Variants in TTC29 observed in about 807,000 individuals in gnomAD.
TTC29 encodes tetratricopeptide repeat protein 29.
Under a neutral mutation model 58.1 loss-of-function variants are expected in TTC29, and 49 were observed. That is an observed-to-expected ratio of 0.84 (90% confidence interval 0.67 to 1.07). TTC29 has a LOEUF of 1.07. Ranked by LOEUF, TTC29 falls within the 50% of genes least tolerant of loss-of-function variation. TTC29 has a pLI of 0.00. For missense variants in TTC29, 582 were observed against 555.6 expected, an observed-to-expected ratio of 1.05 and a Z score of -0.48; for synonymous variants, 209 against 196.8, an observed-to-expected ratio of 1.06 and a Z score of -0.52.
intron 8 of TTC29, among the ~76,000 whole-genome samples, chr4:146,860,387 C>T (rs1730148706): frequency 6.6e-6 from 1 of 152,112 alleles, no homozygotes; most frequent in East Asian, 1.9e-4. Flanking sequence ...TACATATCTT[C>T]CATTGTTAAT....
chr4:146,738,748 G>A (rs1309218221), intron 11 of TTC29, among the ~76,000 whole-genome samples: 3 of 152,030 alleles, frequency 2.0e-5, no homozygotes, highest in South Asian at 2.1e-4. Flanking sequence ...TTGTGATTGC[G>A]CATCTTAAGA....
At position 146,934,668 on chromosome 4, in the gene TTC29, T is replaced by C. The variant is rs531109273; in HGVS notation, c.176+2926A>G. 1.0e-4 allele frequency among the ~76,000 whole-genome samples: 15 copies of C among 148,702 alleles called. No individual in the cohort carries two copies. In the South Asian group the frequency reaches 2.3e-3, roughly 23 times the overall value. Reference sequence around the variant, plus strand: ...CTTTGGGCACCTCACCACTGAGAGTTTGGAAAGAGAAAGCAGCCTGCAAAG... The same window carrying C: ...CTTTGGGCACCTCACCACTGAGAGTCTGGAAAGAGAAAGCAGCCTGCAAAG... On this transcript the variant is annotated intron_variant, in intron 4 of 12. Coordinates refer to ENST00000325106, the MANE Select transcript of TTC29 (RefSeq NM_031956.4).
intron 9 of TTC29, among the ~76,000 whole-genome samples, chr4:146,824,797 C>A (rs1281808515): frequency 6.6e-6 from 1 of 152,154 alleles, no homozygotes; most frequent in Non-Finnish European, 1.5e-5. Context: ...TTGGTCTATT[C>A]AGGGATCCAA....
chr4:146,721,552 G>A (rs1379720881), intron 11 of TTC29, among the ~76,000 whole-genome samples: 2 of 152,102 alleles, frequency 1.3e-5, no homozygotes, highest in Admixed American at 6.6e-5. Flanking sequence ...ACAGTCTGCA[G>A]CTTATGATTT....
At chr4:146,941,064 C>A (rs552477639) in intron 2 of TTC29, among the ~76,000 whole-genome samples, 2 of 152,278 alleles carry the variant, frequency 1.3e-5, no homozygotes, top group Admixed American at 1.3e-4. Context: ...TTATCTAAAT[C>A]CTATTCCAAA....
At chr4:146,764,219 G>A (rs1238490283) in intron 11 of TTC29, 1 of 152,064 alleles carries the variant, frequency 6.6e-6, no homozygotes, top group Non-Finnish European at 1.5e-5. Flanking sequence ...GTATAGGGGA[G>A]AAAATAGATT....
chr4:146,770,309 C>A (rs1747635097), intron 11 of TTC29, among the ~76,000 whole-genome samples: 1 of 151,804 alleles, frequency 6.6e-6, no homozygotes, highest in Non-Finnish European at 1.5e-5. Context: ...TGAGCTTCTG[C>A]ATTTCTCAAA....
At chr4:146,773,030 G>A (rs1747845082) in intron 11 of TTC29, among the ~76,000 whole-genome samples, 1 of 151,976 alleles carries the variant, frequency 6.6e-6, no homozygotes, top group African/African-American at 2.4e-5. Context: ...TGGACTTTGT[G>A]GGAGTATAGA....
chr4:146,864,711 G>A (rs756554296), intron 8 of TTC29, among the ~76,000 whole-genome samples: 2 of 151,974 alleles, frequency 1.3e-5, no homozygotes, highest in Non-Finnish European at 2.9e-5. Flanking sequence ...CTGTATCACT[G>A]CACTCTCTGC....
chr4:146,906,616 A>G (rs1733536666), intron 5 of TTC29, among the ~76,000 whole-genome samples: 1 of 152,234 alleles, frequency 6.6e-6, no homozygotes, highest in Non-Finnish European at 1.5e-5. Flanking sequence ...AATTCAAACC[A>G]CAATTTTCCT....
Position 146,920,462 on chromosome 4 carries a change from A to G in TTC29, c.177-11213T>C, listed in dbSNP as rs184409150. Among the ~76,000 whole-genome samples the G allele has an allele frequency of 4.6e-3, 690 of 151,154 alleles. 4 individuals carry two copies. Among genetic ancestry groups the G allele is most frequent in the African/African-American group, 0.016 (647 of 41,404 alleles). On this transcript the variant is annotated intron_variant, in intron 4 of 12. Coordinates refer to ENST00000325106, the MANE Select transcript of TTC29 (RefSeq NM_031956.4). Reference sequence around the variant, plus strand: ...AATATAACGTTTAAAATACAAAGGGAAAAAAATCACATAAATTAAAAATGA... The same window carrying G: ...AATATAACGTTTAAAATACAAAGGGGAAAAAATCACATAAATTAAAAATGA...
At chr4:146,815,549 C>T (rs1173033180) in intron 10 of TTC29, among the ~76,000 whole-genome samples, 2 of 152,220 alleles carry the variant, frequency 1.3e-5, no homozygotes, top group Non-Finnish European at 2.9e-5. Flanking sequence ...CTGGAAGTCA[C>T]TGGCATATGG....
At chr4:146,772,848 T>TATC (rs2150076122) in intron 11 of TTC29, among the ~76,000 whole-genome samples, 1 of 152,290 alleles carries the variant, frequency 6.6e-6, no homozygotes, top group East Asian at 1.9e-4. Flanking sequence ...TGATTCTTTC[T>TATC]ATCTATGAGC....
chr4:146,932,466 A>G (rs993049776), intron 4 of TTC29, among the ~76,000 whole-genome samples: 2 of 152,246 alleles, frequency 1.3e-5, no homozygotes, highest in African/African-American at 4.8e-5. Context: ...GAAGCAGAGG[A>G]AGAGCACACT....
intron 6 of TTC29, among the ~76,000 whole-genome samples, chr4:146,901,781 C>A (rs780219156): frequency 6.6e-6 from 1 of 152,170 alleles, no homozygotes; most frequent in Non-Finnish European, 1.5e-5. Flanking sequence ...CCTTGCTCTA[C>A]TTTATTATTT....
intron 6 of TTC29, among the ~76,000 whole-genome samples, chr4:146,896,660 T>G (rs1561231131): frequency 6.6e-6 from 1 of 152,204 alleles, no homozygotes; most frequent in Admixed American, 6.5e-5. Flanking sequence ...GTATTCTTCC[T>G]CAGGAACTTC....
chr4:146,909,988 G>A (rs1446901995), intron 4 of TTC29, among the ~76,000 whole-genome samples: 2 of 152,046 alleles, frequency 1.3e-5, no homozygotes, highest in South Asian at 2.1e-4. Context: ...TTCAAATCAC[G>A]AAAATTTCTA....
chr4:146,930,116 T>TAC (rs1311821170), intron 4 of TTC29, among the ~76,000 whole-genome samples: 25 of 138,062 alleles, frequency 1.8e-4, no homozygotes, highest in African/African-American at 6.4e-4. Flanking sequence ...TATATATATA[T>TAC]ATACACACAT....
intron 6 of TTC29, among the ~76,000 whole-genome samples, chr4:146,894,481 G>A (rs1469855562): frequency 6.8e-6 from 1 of 146,462 alleles, no homozygotes; most frequent in Non-Finnish European, 1.5e-5. Context: ...ATTGAACAAT[G>A]AGAACATGTG....
Sources: gnomAD v4.1 joint callset for allele counts (sites outside exome capture counted in the v4.1 genomes callset) on GRCh38, gnomAD v4.1.1 for gene constraint, MANE v1.5 for transcripts, NCBI Gene and HGNC (gene_info 2026-07-23, HGNC 2026-07-21) for gene names.